CACNA2D3: variants seen among roughly 807,000 people sequenced by gnomAD.
CACNA2D3 encodes voltage-dependent calcium channel subunit alpha-2/delta-3.
CACNA2D3 carries 60 observed loss-of-function variants against 160.6 expected under a neutral mutation model. The ratio of observed to expected loss-of-function variants is 0.37; its 90% CI spans 0.30 to 0.46. The LOEUF (loss-of-function observed/expected upper bound fraction) is 0.46, where lower values mean the gene tolerates loss of function less well. Ranked by LOEUF, CACNA2D3 falls within the 20% of genes least tolerant of loss-of-function variation. The probability of loss-of-function intolerance (pLI) is 1.00; values close to 1 mark genes in which losing one functional copy is unlikely to be tolerated. For synonymous variants in CACNA2D3, 558 were observed against 492.9 expected (o/e 1.13, Z -1.75); for missense variants, 1,205 against 1,365.0 (o/e 0.88, Z 1.85).
chr3:54,687,114 T>C (rs1797353), intron 11 of CACNA2D3, among the ~76,000 whole-genome samples: 1 of 79,078 alleles, frequency 1.3e-5, no homozygotes, highest in African/African-American at 5.2e-5. Flanking sequence ...TTTTTCTTTT[T>C]CTTTTTCTTT....
chr3:54,165,636 G>A (rs1700440221), intron 2 of CACNA2D3, among the ~76,000 whole-genome samples: 1 of 151,332 alleles, frequency 6.6e-6, no homozygotes, highest in Non-Finnish European at 1.5e-5. Context: ...TTAGCCAGGT[G>A]TGGTGGTGCA....
chr3:54,190,984 A>G (rs1389173303), intron 2 of CACNA2D3, among the ~76,000 whole-genome samples: 1 of 151,654 alleles, frequency 6.6e-6, no homozygotes, highest in South Asian at 2.1e-4. Flanking sequence ...ATGAAGTGGG[A>G]TAATACCAGA....
chr3:54,739,411 G>C (rs1200800823), intron 11 of CACNA2D3, among the ~76,000 whole-genome samples: 2 of 125,478 alleles, frequency 1.6e-5, no homozygotes, highest in Non-Finnish European at 3.2e-5. Context: ...CAGAGGGAGA[G>C]TGAGACTCTG....
At chr3:54,360,364 A>C (rs1038657091) in intron 3 of CACNA2D3, among the ~76,000 whole-genome samples, 3 of 152,228 alleles carry the variant, frequency 2.0e-5, no homozygotes, top group Non-Finnish European at 4.4e-5. Context: ...GCAAATACTA[A>C]ATTCTAGGAA....
intron 2 of CACNA2D3, among the ~76,000 whole-genome samples, chr3:54,287,566 C>A (rs1703065959): frequency 6.9e-6 from 1 of 145,846 alleles, no homozygotes. Flanking sequence ...CAGCTCTGCA[C>A]CAAGCAGACC....
chr3:54,286,335 G>A (rs997755909), intron 2 of CACNA2D3, among the ~76,000 whole-genome samples: 1 of 152,206 alleles, frequency 6.6e-6, no homozygotes, highest in African/African-American at 2.4e-5. Context: ...ATCAGCAATG[G>A]AAGATGAAAT....
chr3:54,537,539 AG>A (rs1023591890), intron 5 of CACNA2D3, among the ~76,000 whole-genome samples: 11 of 152,102 alleles, frequency 7.2e-5, no homozygotes, highest in African/African-American at 2.7e-4. Flanking sequence ...GAATAATGGC[AG>A]CAATTATGTT....
At chr3:54,331,662 A>G (rs1331371245) in intron 3 of CACNA2D3, among the ~76,000 whole-genome samples, 2 of 152,210 alleles carry the variant, frequency 1.3e-5, no homozygotes, top group African/African-American at 4.8e-5. Context: ...GGGAAAGACC[A>G]TTCAAAGGAT....
intron 35 of CACNA2D3, among the ~76,000 whole-genome samples, chr3:55,059,768 G>A (rs1704458262): frequency 2.0e-5 from 3 of 152,126 alleles, no homozygotes; most frequent in Non-Finnish European, 2.9e-5. Flanking sequence ...GATAGAGGTG[G>A]CACTCAGTGG....
At chr3:54,805,717 C>T (rs1002901105) in intron 13 of CACNA2D3, among the ~76,000 whole-genome samples, 3 of 152,286 alleles carry the variant, frequency 2.0e-5, no homozygotes, top group African/African-American at 7.2e-5. Flanking sequence ...CCAGCATCAT[C>T]CTGACACCAA....
intron 3 of CACNA2D3, among the ~76,000 whole-genome samples, chr3:54,374,554 T>C (rs1698976946): frequency 6.6e-6 from 1 of 152,332 alleles, no homozygotes; most frequent in African/African-American, 2.4e-5. Flanking sequence ...TTGTATTGCC[T>C]GGTCTTACTA....
intron 2 of CACNA2D3, among the ~76,000 whole-genome samples, chr3:54,168,082 C>G (rs1162381945): frequency 6.6e-6 from 1 of 151,966 alleles, no homozygotes; most frequent in Non-Finnish European, 1.5e-5. Context: ...TCTTTCTTTC[C>G]TTTCCTATAT....
At chr3:54,137,308 A>G (rs766733620) in intron 2 of CACNA2D3, among the ~76,000 whole-genome samples, 4 of 152,204 alleles carry the variant, frequency 2.6e-5, no homozygotes, top group Non-Finnish European at 5.9e-5. Context: ...TTTAGAAATC[A>G]CTGAGCACAG....
At chr3:54,337,088 A>G (rs529788811) in intron 3 of CACNA2D3, among the ~76,000 whole-genome samples, 13 of 152,252 alleles carry the variant, frequency 8.5e-5, no homozygotes, top group African/African-American at 3.1e-4. Context: ...AGACAGACAG[A>G]CAGACAGACA....
chr3:54,604,006 G>A (rs984026196), intron 9 of CACNA2D3, among the ~76,000 whole-genome samples: 2 of 152,018 alleles, frequency 1.3e-5, no homozygotes, highest in Non-Finnish European at 2.9e-5. Context: ...CCTTATTATT[G>A]AAAATATAGC....
rs376274673 is a variant in CACNA2D3, at chr3:54,507,919, G to A, written c.544+4265G>A. Among the ~76,000 whole-genome samples the A allele has an allele frequency of 4.6e-5, 7 of 152,350 alleles. No individual in the cohort carries two copies. The East Asian group carries it at 1.4e-3, about 29-fold the overall frequency. On this transcript the variant is annotated intron_variant, in intron 5 of 37. Transcript: ENST00000474759. Reference sequence around the variant, plus strand: ...CTGAGGATTGAACACTTAGAGGGGTGGATGGCACATGGTGTCCATCCAGGA... The same window carrying A: ...CTGAGGATTGAACACTTAGAGGGGTAGATGGCACATGGTGTCCATCCAGGA...
At chr3:54,371,812 T>A (rs1470884033) in intron 3 of CACNA2D3, among the ~76,000 whole-genome samples, 1 of 152,230 alleles carries the variant, frequency 6.6e-6, no homozygotes, top group Non-Finnish European at 1.5e-5. Flanking sequence ...TATCTTCAAT[T>A]TTGAAGTCAA....
At chr3:54,794,189 C>G (rs1419712913) in intron 13 of CACNA2D3, among the ~76,000 whole-genome samples, 1 of 151,962 alleles carries the variant, frequency 6.6e-6, no homozygotes, top group African/African-American at 2.4e-5. Flanking sequence ...AATGTTTTAA[C>G]TTCCATTTTA....
At chr3:54,823,687 C>T (rs1001793437) in intron 14 of CACNA2D3, among the ~76,000 whole-genome samples, 1 of 152,102 alleles carries the variant, frequency 6.6e-6, no homozygotes, top group Non-Finnish European at 1.5e-5. Flanking sequence ...TAAGAAAATA[C>T]ATCATTTTAA....
Sources: gnomAD v4.1 joint callset for allele counts (sites outside exome capture counted in the v4.1 genomes callset) on GRCh38, gnomAD v4.1.1 for gene constraint, MANE v1.5 for transcripts, NCBI Gene and HGNC (gene_info 2026-07-23, HGNC 2026-07-21) for gene names.